Variants in SRI observed in about 807,000 individuals in gnomAD.
SRI encodes the protein sorcin, also known as 22 kDa protein.
Under a neutral mutation model 33.3 loss-of-function variants are expected in SRI, and 30 were observed. The observed-to-expected ratio is 0.90, with a 90% CI of 0.67 to 1.22. SRI has a LOEUF of 1.22. SRI is among the 50% of genes most tolerant of loss of function. SRI has a pLI of 0.00. For synonymous variants in SRI, 75 were observed against 89.9 expected (o/e 0.83, Z 0.94); for missense variants, 243 against 250.8 (o/e 0.97, Z 0.21).
At chr7:88,220,050 C>CCT (rs961802827), upstream of SRI, 2 of 1,517,440 alleles carry the variant, frequency 1.3e-6, no homozygotes, top group Non-Finnish European at 1.8e-6. Context: ...CCGCAGCCGC[C>CCT]CTCGCCCTGT....
intron 3 of SRI, among the ~76,000 whole-genome samples, chr7:88,212,364 T>A (rs955508038): frequency 1.3e-5 from 2 of 152,214 alleles, no homozygotes; most frequent in Non-Finnish European, 2.9e-5. Context: ...AAAGAGCTGG[T>A]AGATTCTTCA....
intron 7 of SRI, 94 bp from the exon 8 acceptor site, chr7:88,206,598 C>G (rs1339963199): frequency 6.9e-7 from 1 of 1,449,304 alleles, no homozygotes; most frequent in Non-Finnish European, 9.7e-7. Flanking sequence ...CTAATTTGAA[C>G]ACGGGTAAAA....
At chr7:88,225,777 T>C (rs1044875287) in intron 1 of SRI, among the ~76,000 whole-genome samples, 1 of 152,212 alleles carries the variant, frequency 6.6e-6, no homozygotes, top group African/African-American at 2.4e-5. Flanking sequence ...AGAATGTGTT[T>C]CAGAAATCAG....
intron 2 of SRI, 38 bp from the exon 3 acceptor site, chr7:88,217,229 T>G (rs1163675950): frequency 1.3e-6 from 2 of 1,544,786 alleles, no homozygotes; most frequent in Non-Finnish European, 1.8e-6. Flanking sequence ...AATAGTGATT[T>G]GTACTTTCAA....
At chr7:88,219,801 G>T (rs1400437280) in intron 1 of SRI, among the ~76,000 whole-genome samples, 175 bp downstream of exon 1, 1 of 152,180 alleles carries the variant, frequency 6.6e-6, no homozygotes. Flanking sequence ...AACGTGGGGA[G>T]AGGCCGAACC....
intron 1 of SRI, among the ~76,000 whole-genome samples, chr7:88,225,857 A>C (rs1851981670): frequency 6.6e-6 from 1 of 152,214 alleles, no homozygotes; most frequent in South Asian, 2.1e-4. Context: ...CAATGATAAG[A>C]GTTCATTTTA....
Position 88,210,995 on chromosome 7 carries a change from AAATT to A in SRI, c.206-74_206-71del. 4 of 1,174,252 alleles carry A rather than the reference AAATT, an allele frequency of 3.4e-6. No homozygotes were observed. In the South Asian group the frequency reaches 3.9e-5, roughly 11 times the overall value. The allele number at this position is 1,174,252 out of a possible 1,614,324, so 72.7% of individuals were successfully genotyped here. ...AATTCACATTACACTGGATACATTCAAATTAATTAGAAATATGATTATTATACAC... is the reference window on the plus strand; with the variant it reads ...AATTCACATTACACTGGATACATTCAAATTAGAAATATGATTATTATACAC... On this transcript the variant is annotated intron_variant, in intron 3 of 7. Transcript: ENST00000265729.
chr7:88,218,084 CA>C (rs1469175006), intron 2 of SRI, among the ~76,000 whole-genome samples: 1 of 152,126 alleles, frequency 6.6e-6, no homozygotes, highest in East Asian at 1.9e-4. Context: ...AGCTTTTGGT[CA>C]AAACAAAACT....
chr7:88,217,820 G>A (rs1479854612), intron 2 of SRI, among the ~76,000 whole-genome samples: 1 of 152,240 alleles, frequency 6.6e-6, no homozygotes, highest in East Asian at 1.9e-4. Context: ...AGCTAAGCAG[G>A]TGGAGTCACT....
At chr7:88,221,600 A>C (rs1000317431), upstream of SRI, among the ~76,000 whole-genome samples, 2 of 152,256 alleles carry the variant, frequency 1.3e-5, no homozygotes, top group Non-Finnish European at 2.9e-5. Flanking sequence ...TAAGTACTGC[A>C]GAATTAGCTT....
rs773223313 is a variant in SRI, at chr7:88,206,448, T to C, written c.*30A>G. The C allele has an allele frequency of 4.3e-6, 7 of 1,613,626 alleles. No individual in the cohort carries two copies. The highest frequency in any genetic ancestry group is 3.3e-5 in the South Asian group (3 of 91,074). ...GCAAAGGAGAGCTCCAGTTGGAATG[T>C]TGATTACATTCATGCAGCTTCCTCT... On this transcript the variant is annotated 3_prime_UTR_variant, in exon 8 of 8. Coordinates refer to ENST00000265729, the MANE Select transcript of SRI (RefSeq NM_003130.4).
intron 6 of SRI, 137 bp downstream of exon 6, chr7:88,209,202 G>T: frequency 3.1e-6 from 2 of 645,686 alleles, no homozygotes; most frequent in Non-Finnish European, 5.3e-6. Context: ...TGCCAGATAT[G>T]CTTAATAGTA....
At chr7:88,220,163 A>C (rs1026578210), upstream of SRI, 4 of 1,321,856 alleles carry the variant, frequency 3.0e-6, no homozygotes, top group Admixed American at 4.2e-5. Flanking sequence ...AGTCGTCTCC[A>C]GCTCTTGCCT....
intron 4 of SRI, chr7:88,210,495 T>G (rs1016768727): frequency 7.7e-6 from 3 of 388,780 alleles, no homozygotes; most frequent in Non-Finnish European, 1.4e-5. Flanking sequence ...TATTCCCTTG[T>G]TTAGTGCCCC....
chr7:88,217,304 TA>T, intron 2 of SRI, 113 bp from the exon 3 acceptor site: 1 of 897,702 alleles, frequency 1.1e-6, no homozygotes, highest in East Asian at 2.6e-5. Context: ...TTTTTTTATT[TA>T]AAAGGAATGC....
Position 88,205,925 on chromosome 7 carries a change from A to T in SRI, c.*553T>A, listed in dbSNP as rs1189357138. The T allele has an allele frequency of 6.5e-6, 1 of 154,438 alleles. No homozygotes were observed. The highest frequency in any genetic ancestry group is 6.4e-5 in the Admixed American group (1 of 15,630). 9.6% of individuals were successfully genotyped at this position (154,438 alleles called of 1,614,324 possible). A position where few individuals can be genotyped will look rare whatever the true frequency, so the allele number is the denominator to read the frequency against. On this transcript the variant is annotated 3_prime_UTR_variant, in exon 8 of 8. Coordinates refer to ENST00000265729, the MANE Select transcript of SRI (RefSeq NM_003130.4). ...GTTAACAAAGGTTTAAATAGATGAC[A>T]AAAAGGGACTTGGTGACAGATAGTA... is the stretch of plus-strand genomic sequence containing the variant.
intron 6 of SRI, 129 bp from the exon 7 acceptor site, chr7:88,208,694 CA>C (rs762972083): frequency 5.1e-5 from 71 of 1,393,198 alleles, no homozygotes; most frequent in Non-Finnish European, 6.6e-5. Context: ...TTAACATAAA[CA>C]AAAGACCAAA....
At chr7:88,214,802 C>G (rs1449526827) in intron 3 of SRI, 22 of 1,051,952 alleles carry the variant, frequency 2.1e-5, no homozygotes, top group Non-Finnish European at 2.3e-5. Flanking sequence ...TACCTTTACT[C>G]TTTTTCTTCT....
At chr7:88,214,761 TA>T in intron 3 of SRI, 3 of 732,554 alleles carry the variant, frequency 4.1e-6, no homozygotes, top group Non-Finnish European at 5.0e-6. Context: ...ATGTTAATTT[TA>T]ATAATTTCCA....
Sources: gnomAD v4.1 joint callset for allele counts (sites outside exome capture counted in the v4.1 genomes callset) on GRCh38, gnomAD v4.1.1 for gene constraint, MANE v1.5 for transcripts, NCBI Gene and HGNC (gene_info 2026-07-23, HGNC 2026-07-21) for gene names.